Variants in RADIL observed in about 807,000 individuals in gnomAD.
RADIL encodes Rap associating with DIL domain.
In RADIL, 99 loss-of-function variants were observed where a neutral mutation model predicts 97.6. The observed-to-expected ratio is 1.01, with a 90% CI of 0.86 to 1.20. The LOEUF is 1.20. Among genes scored for constraint, RADIL ranks in the 50% most tolerant of loss-of-function variants. The pLI is 0.00. For missense variants in RADIL, 1,765 were observed against 1,498.9 expected, an observed-to-expected ratio of 1.18 and a Z score of -2.93; for synonymous variants, 803 against 691.8, an observed-to-expected ratio of 1.16 and a Z score of -2.52.
Position 4,817,357 on chromosome 7 carries a change from G to C in RADIL, c.1616-6C>G. ...GAACAGCGATTCCTTCGAGCCTGCC[G>C]GGAGACAGCCACGCCAATGGTCACA... On this transcript the variant is annotated splice_polypyrimidine_tract_variant and splice_region_variant and intron_variant, in intron 6 of 14. Transcript: ENST00000399583. This position sits in a 1 kb window ranked among gnomAD's most constrained non-coding sequence, Gnocchi z 8.3. 1 of 1,609,232 alleles carries C rather than the reference G, an allele frequency of 6.2e-7. No individual in the cohort carries two copies. Among genetic ancestry groups the C allele is most frequent in the Non-Finnish European group, 8.5e-7 (1 of 1,178,296 alleles).
rs761071855 is a variant in RADIL at position 4,832,129 on chromosome 7, G to T, written c.1454+12C>A. The T allele has an allele frequency of 6.2e-7, 1 of 1,606,570 alleles. No homozygotes were observed. The highest frequency in any genetic ancestry group is 1.7e-5 in the Admixed American group (1 of 59,548). On this transcript the variant is annotated intron_variant, in intron 5 of 14. Coordinates refer to ENST00000399583, the MANE Select transcript of RADIL (RefSeq NM_018059.5). The stretch of plus-strand genomic sequence containing the variant: ...TGCCCAGAGGCGGGCACAATAACCG[G>T]GTCATACTCACAGTTGCGCCTGCTT...
intron 12 of RADIL, among the ~76,000 whole-genome samples, chr7:4,801,066 G>A (rs1189698313): frequency 6.6e-6 from 1 of 152,136 alleles, no homozygotes. Flanking sequence ...GTGCAAGCAT[G>A]CCCATGCACA....
At chr7:4,874,052 G>T (rs1784313372) in intron 2 of RADIL, among the ~76,000 whole-genome samples, 1 of 152,226 alleles carries the variant, frequency 6.6e-6, no homozygotes, top group African/African-American at 2.4e-5. Context: ...CAAAGGCTCA[G>T]TGCCCTCCCC....
At chr7:4,806,750 T>G (rs931779824) in intron 9 of RADIL, among the ~76,000 whole-genome samples, 3 of 152,240 alleles carry the variant, frequency 2.0e-5, no homozygotes, top group Non-Finnish European at 4.4e-5. Flanking sequence ...GTGCTGGAAC[T>G]GTCTTCACCT....
chr7:4,858,304 T>A (rs537617103), intron 2 of RADIL: 1 of 152,216 alleles, frequency 6.6e-6, no homozygotes, highest in African/African-American at 2.4e-5. Context: ...CAAGGCTAAT[T>A]GGAAAGCCTG....
rs1245435793 is a variant in RADIL, at chr7:4,797,166, C to G, written c.*2212G>C. The stretch of plus-strand genomic sequence containing the variant: ...CATTCGCCTGGAAGCTCAGCAAGAC[C>G]AGAACAGCCAGTGGCAGCCCTCACC... On this transcript the variant is annotated 3_prime_UTR_variant, in exon 15 of 15. Coordinates refer to ENST00000399583, the MANE Select transcript of RADIL (RefSeq NM_018059.5). 1 of 152,240 alleles carries G rather than the reference C, an allele frequency of 6.6e-6. No homozygotes were observed. The highest frequency in any genetic ancestry group is 6.5e-5 in the Admixed American group (1 of 15,282). 9.4% of individuals were successfully genotyped at this position (152,240 alleles called of 1,614,324 possible).
chr7:4,822,145 G>A lies in RADIL; in HGVS notation c.1615+249C>T, dbSNP rs923920108. Among the ~76,000 whole-genome samples the A allele has an allele frequency of 5.3e-5, 8 of 152,100 alleles. No homozygotes were observed. The highest frequency in any genetic ancestry group is 1.7e-4 in the African/African-American group (7 of 41,438). On this transcript the variant is annotated intron_variant, in intron 6 of 14. Transcript: ENST00000399583. This position sits in a 1 kb window ranked among gnomAD's most constrained non-coding sequence, Gnocchi z 5.3. ...GGGGACGCCACCGCACGGAGCACAC[G>A]GGATGATGGGGACAGACTGAGTGCC...
chr7:4,881,580 AGCTGGGC>A (rs1784488229), intron 1 of RADIL, among the ~76,000 whole-genome samples: 1 of 151,654 alleles, frequency 6.6e-6, no homozygotes, highest in South Asian at 2.1e-4. Flanking sequence ...TACAAAAATT[AGCTGGGC>A]ATGGTGGCGG....
At chr7:4,806,332 T>C (rs1048998406) in intron 9 of RADIL, among the ~76,000 whole-genome samples, 1 of 152,040 alleles carries the variant, frequency 6.6e-6, no homozygotes, top group Non-Finnish European at 1.5e-5. Context: ...TTTTTGTTTT[T>C]GTTTTTTTTT....
In RADIL at chr7:4,797,695, A is replaced by C. The variant is rs1781960710; in HGVS notation, c.*1683T>G. On this transcript the variant is annotated 3_prime_UTR_variant, in exon 15 of 15. Coordinates refer to ENST00000399583, the MANE Select transcript of RADIL (RefSeq NM_018059.5). Reference sequence around the variant, plus strand: ...TGGGACTCCTAGGAAAAGAAACAGAACAAGGCCAGGCATGGTAATCCCACG... The same window carrying C: ...TGGGACTCCTAGGAAAAGAAACAGACCAAGGCCAGGCATGGTAATCCCACG... 6.6e-6 allele frequency: 1 copy of C among 152,274 alleles called. No individual in the cohort carries two copies. Among genetic ancestry groups the C allele is most frequent in the Non-Finnish European group, 1.5e-5 (1 of 68,052 alleles). 9.4% of individuals were successfully genotyped at this position (152,274 alleles called of 1,614,324 possible).
In RADIL at chr7:4,803,726, G is replaced by A. The variant is rs754367652; in HGVS notation, c.2319C>T (p.Pro773=). ...SEDVLESYEN[P]PPIVLPSDGF... ...CGTCGCTGGGCAGGACGATGGGTGG[G>A]GGGTTTTCGTAGGACTCCAGAACAT... Residue 773 remains proline, a synonymous_variant, in exon 11 of 15, where the codon CCC becomes CCT. Coordinates refer to ENST00000399583, the MANE Select transcript of RADIL (RefSeq NM_018059.5). 3 of 1,567,070 alleles carry A rather than the reference G, an allele frequency of 1.9e-6. No homozygotes were observed. Among genetic ancestry groups the A allele is most frequent in the African/African-American group, 1.4e-5 (1 of 73,838 alleles).
rs1380323787 is a variant in RADIL, at chr7:4,819,110, C to T, written c.1616-1759G>A. Among the ~76,000 whole-genome samples the T allele has an allele frequency of 6.7e-6, 1 of 148,420 alleles. No individual in the cohort carries two copies. On this transcript the variant is annotated intron_variant, in intron 6 of 14. Transcript: ENST00000399583. This position sits in a 1 kb window ranked among gnomAD's most constrained non-coding sequence, Gnocchi z 5.8. ...TTTTAAAGACAGAGTCTCACTCTGT[C>T]GCCCAGGCTGGAGTGCAATGACACA...
intron 2 of RADIL, among the ~76,000 whole-genome samples, chr7:4,865,178 C>G (rs10275805): frequency 0.43 from 65,299 of 152,096 alleles, 14,893 homozygotes; most frequent in African/African-American, 0.57. Context: ...TACATTTCAC[C>G]TCTTGAGAGT....
chr7:4,829,188 C>T (rs1361971539), intron 5 of RADIL, among the ~76,000 whole-genome samples: 5 of 152,230 alleles, frequency 3.3e-5, no homozygotes, highest in East Asian at 1.9e-4. Flanking sequence ...ACCTCCTTGC[C>T]GTGGGTCAGG....
rs564202030 is a variant in RADIL at position 4,867,408 on chromosome 7, G to A, written c.535+10197C>T. ...TGTCTGTGCTTAAGGAAATGAATAT[G>A]TAGTATAGGCATATAATGGAAAACT... On this transcript the variant is annotated intron_variant, in intron 2 of 14. Coordinates refer to ENST00000399583, the MANE Select transcript of RADIL (RefSeq NM_018059.5). The surrounding 1 kb of genome is among the most constrained non-coding windows in gnomAD (Gnocchi z 4.1). Among the ~76,000 whole-genome samples, 4 of 152,284 alleles carry A rather than the reference G, an allele frequency of 2.6e-5. No homozygotes were observed. Among genetic ancestry groups the A allele is most frequent in the East Asian group, 3.9e-4 (2 of 5,180 alleles).
chr7:4,851,100 G>C (rs920717828), intron 2 of RADIL, among the ~76,000 whole-genome samples: 3 of 152,028 alleles, frequency 2.0e-5, no homozygotes, highest in Non-Finnish European at 4.4e-5. Flanking sequence ...AGCTACTTAG[G>C]AGGCTGAGGC....
intron 9 of RADIL, among the ~76,000 whole-genome samples, chr7:4,812,611 G>A (rs540577973): frequency 1.3e-5 from 2 of 151,936 alleles, no homozygotes; most frequent in South Asian, 4.2e-4. Flanking sequence ...TAGTTGAGAC[G>A]GGGTATTGCC....
chr7:4,835,062 G>A lies in RADIL; in HGVS notation c.961C>T (p.Pro321Ser). 1.2e-6 allele frequency: 2 copies of A among 1,608,232 alleles called. No homozygotes were observed. The highest frequency in any genetic ancestry group is 1.7e-6 in the Non-Finnish European group (2 of 1,177,910). ...AAGTTGACGGAGATGTGCGCCCCGGGGATGGGCTCCAGGACCAGCCTCCCC... is the reference window on the plus strand; with the variant it reads ...AAGTTGACGGAGATGTGCGCCCCGGAGATGGGCTCCAGGACCAGCCTCCCC... ...AAGRLVLEPIPGAHISVNFSE... is the reference protein window; with the variant it reads ...AAGRLVLEPISGAHISVNFSE... Residue 321 changes from proline (P) to serine (S), a missense_variant, in exon 4 of 15, where the codon CCC becomes TCC. By Grantham distance (74) the Pro-to-Ser change is moderately conservative. Transcript: ENST00000399583. The surrounding 1 kb of genome is among the most constrained non-coding windows in gnomAD (Gnocchi z 5.8).
In RADIL at chr7:4,822,244, T is replaced by C; in HGVS notation, c.1615+150A>G. On this transcript the variant is annotated intron_variant, in intron 6 of 14. Transcript: ENST00000399583. The surrounding 1 kb of genome is among the most constrained non-coding windows in gnomAD (Gnocchi z 5.3). The stretch of plus-strand genomic sequence containing the variant: ...GCCTCACAGGCCGTCCCCGAGCAAC[T>C]GACACATGGCAGCCTAGGGACTGAG... 1 of 1,057,004 alleles carries C rather than the reference T, an allele frequency of 9.5e-7. No individual in the cohort carries two copies. The highest frequency in any genetic ancestry group is 1.3e-6 in the Non-Finnish European group (1 of 757,150). 65.5% of individuals were successfully genotyped at this position (1,057,004 alleles called of 1,614,324 possible).
Sources: allele counts gnomAD v4.1 joint callset (sites outside exome capture counted in the v4.1 genomes callset), GRCh38; gene constraint gnomAD v4.1.1; non-coding constraint Gnocchi (gnomAD v3.1); transcripts MANE v1.5; gene names NCBI Gene and HGNC (gene_info 2026-07-23, HGNC 2026-07-21).